DEF6: variants seen among roughly 807,000 people sequenced by gnomAD.
DEF6 encodes the protein differentially expressed in FDCP 6 homolog.
In DEF6, 32 loss-of-function variants were observed where a neutral mutation model predicts 80.5. The observed-to-expected ratio is 0.40, with a 90% CI of 0.30 to 0.53. DEF6 has a LOEUF of 0.53. Ranked by LOEUF, DEF6 falls within the 20% of genes least tolerant of loss-of-function variation. The pLI, the probability that DEF6 is intolerant of heterozygous loss-of-function variation, is 0.57. For synonymous variants in DEF6, 300 were observed against 337.9 expected, an observed-to-expected ratio of 0.89 and a Z score of 1.23; for missense variants, 575 against 818.7, an observed-to-expected ratio of 0.70 and a Z score of 3.63.
chr6:35,312,565 G>A lies in DEF6; in HGVS notation c.660+27G>A. On this transcript the variant is annotated intron_variant, in intron 4 of 10. Coordinates refer to ENST00000316637, the MANE Select transcript of DEF6 (RefSeq NM_022047.4). The surrounding 1 kb of genome is among the most constrained non-coding windows in gnomAD (Gnocchi z 6.6). ...TCAGGCAAGCTGGGAACTAGGGGAA[G>A]CACACAAGGTGCAGGGCGAAGGGGG... 6.2e-7 allele frequency: 1 copy of A among 1,614,018 alleles called. No individual in the cohort carries two copies. Among genetic ancestry groups the A allele is most frequent in the Non-Finnish European group, 8.5e-7 (1 of 1,179,894 alleles).
intron 1 of DEF6, among the ~76,000 whole-genome samples, chr6:35,305,079 G>A (rs1562146946): frequency 1.4e-5 from 2 of 145,466 alleles, no homozygotes; most frequent in African/African-American, 5.0e-5. Context: ...TAAAGCATTG[G>A]GATTACAGGT....
At position 35,318,207 on chromosome 6, in the gene DEF6, G is replaced by A. The variant is rs760142938; in HGVS notation, c.951G>A (p.Gly317=). Residue 317 remains glycine, a synonymous_variant, in exon 7 of 11, where the codon GGG becomes GGA. Coordinates refer to ENST00000316637, the MANE Select transcript of DEF6 (RefSeq NM_022047.4). This position sits in a 1 kb window ranked among gnomAD's most constrained non-coding sequence, Gnocchi z 5.1. The part of the protein sequence containing the change: ...IQMAIRLQAE[G]KTSLHKDLKQ... The stretch of plus-strand genomic sequence containing the variant: ...TGGCGATCCGGCTGCAGGCCGAGGG[G>A]AAGACGTCCCTACACAAGGACCTGA... 3 of 1,588,486 alleles carry A rather than the reference G, an allele frequency of 1.9e-6. No homozygotes were observed. The highest frequency in any genetic ancestry group is 2.3e-5 in the East Asian group (1 of 44,190).
At chr6:35,311,365 T>TA (rs2150387136) in intron 3 of DEF6, among the ~76,000 whole-genome samples, 1 of 152,182 alleles carries the variant, frequency 6.6e-6, no homozygotes, top group Non-Finnish European at 1.5e-5. Flanking sequence ...CTTCTGTACT[T>TA]ACAAGAAGCC....
Position 35,319,465 on chromosome 6 carries a change from T to A in DEF6, c.1216-59T>A. On this transcript the variant is annotated intron_variant, in intron 7 of 10. Coordinates refer to ENST00000316637, the MANE Select transcript of DEF6 (RefSeq NM_022047.4). This position sits in a 1 kb window ranked among gnomAD's most constrained non-coding sequence, Gnocchi z 4.5. ...TAGCAACATGCCCACCCCCTCCTCC[T>A]CCGCCCCCACGTGCCCCTTTTGACC... 215 of 870,070 alleles carry A rather than the reference T, an allele frequency of 2.5e-4. No homozygotes were observed. The highest frequency in any genetic ancestry group is 5.5e-4 in the East Asian group (16 of 29,346). The allele number at this position is 870,070 out of a possible 1,614,324, so 53.9% of individuals were successfully genotyped here. A position where few individuals can be genotyped will look rare whatever the true frequency, so the allele number is the denominator to read the frequency against.
rs114535982 is a variant in DEF6 at position 35,312,185 on chromosome 6, C to T, written c.424-117C>T. The T allele has an allele frequency of 2.4e-5, 20 of 830,552 alleles. No homozygotes were observed. The highest frequency in any genetic ancestry group is 6.9e-5 in the South Asian group (4 of 58,384). 51.4% of individuals were successfully genotyped at this position (830,552 alleles called of 1,614,324 possible). ...ACATTCGGTCCTCTGGCCCCCTCAA[C>T]GCTCTGTCCCCTGTTTCCCTCTGCC... On this transcript the variant is annotated intron_variant, in intron 3 of 10. Coordinates refer to ENST00000316637, the MANE Select transcript of DEF6 (RefSeq NM_022047.4). This position sits in a 1 kb window ranked among gnomAD's most constrained non-coding sequence, Gnocchi z 6.6.
At position 35,321,488 on chromosome 6, in the gene DEF6, T is replaced by C. The variant is rs1791592914; in HGVS notation, c.*78T>C. The C allele has an allele frequency of 1.4e-6, 2 of 1,381,118 alleles. No individual in the cohort carries two copies. The highest frequency in any genetic ancestry group is 1.3e-5 in the South Asian group (1 of 76,770). 85.6% of individuals were successfully genotyped at this position (1,381,118 alleles called of 1,614,324 possible). A position where few individuals can be genotyped will look rare whatever the true frequency, so the allele number is the denominator to read the frequency against. The stretch of plus-strand genomic sequence containing the variant: ...CAGCTGGCCTGTGGGTGATCCCAGC[T>C]CTTACTAGGAGAGGGAGCTGAGGTC... On this transcript the variant is annotated 3_prime_UTR_variant, in exon 11 of 11. Transcript: ENST00000316637.
At chr6:35,308,906 A>C (rs1791427882) in intron 1 of DEF6, among the ~76,000 whole-genome samples, 1 of 152,082 alleles carries the variant, frequency 6.6e-6, no homozygotes. Context: ...TATTTTCACC[A>C]GATTTCAGAT....
intron 1 of DEF6, among the ~76,000 whole-genome samples, chr6:35,303,384 C>G (rs1187955045): frequency 6.6e-6 from 1 of 152,106 alleles, no homozygotes; most frequent in Non-Finnish European, 1.5e-5. Flanking sequence ...AACTGAAGCC[C>G]AGTAAGGTTA....
chr6:35,320,088 G>C, intron 9 of DEF6, 71 bp downstream of exon 9: 2 of 1,470,938 alleles, frequency 1.4e-6, no homozygotes, highest in South Asian at 1.3e-5. Context: ...CTGGAGCCAG[G>C]CTGCCTTCCC....
Position 35,321,267 on chromosome 6 carries a change from C to T in DEF6, c.1753C>T (p.Leu585=), listed in dbSNP as rs1350098303. Residue 585 remains leucine, a synonymous_variant, in exon 11 of 11, where the codon CTG becomes TTG. Transcript: ENST00000316637. Reference sequence around the variant, plus strand: ...CCACCGTGACTCCTCCCTAAAGCGCCTGACCCGCTGGGGATCCCAGGGCAA... The same window carrying T: ...CCACCGTGACTCCTCCCTAAAGCGCTTGACCCGCTGGGGATCCCAGGGCAA... ...LAHRDSSLKR[L]TRWGSQGNRT... 6.2e-7 allele frequency: 1 copy of T among 1,613,976 alleles called. No individual in the cohort carries two copies. Among genetic ancestry groups the T allele is most frequent in the East Asian group, 2.2e-5 (1 of 44,884 alleles).
At chr6:35,300,169 A>G (rs1343675432) in intron 1 of DEF6, among the ~76,000 whole-genome samples, 4 of 152,122 alleles carry the variant, frequency 2.6e-5, no homozygotes, top group Non-Finnish European at 5.9e-5. Context: ...CTACAGGCAC[A>G]TGCCACCACG....
At chr6:35,315,274 C>T (rs1791511871) in intron 5 of DEF6, among the ~76,000 whole-genome samples, 1 of 152,284 alleles carries the variant, frequency 6.6e-6, no homozygotes, top group East Asian at 1.9e-4. Context: ...ACTGCAGCCT[C>T]AGTCTCCTTG....
intron 5 of DEF6, chr6:35,313,397 A>C (rs910109274): frequency 2.7e-6 from 1 of 369,118 alleles, no homozygotes; most frequent in African/African-American, 2.2e-5. Flanking sequence ...TAATACATTC[A>C]TATATTTTAT....
At chr6:35,301,471 A>G (rs1001698821) in intron 1 of DEF6, among the ~76,000 whole-genome samples, 1 of 152,168 alleles carries the variant, frequency 6.6e-6, no homozygotes, top group Admixed American at 6.5e-5. Flanking sequence ...GCTGTCCTAC[A>G]AAACTAAAGA....
chr6:35,301,474 A>G (rs1341537941), intron 1 of DEF6, among the ~76,000 whole-genome samples: 1 of 152,130 alleles, frequency 6.6e-6, no homozygotes, highest in African/African-American at 2.4e-5. Flanking sequence ...GTCCTACAAA[A>G]CTAAAGAATA....
chr6:35,319,454 C>A lies in DEF6; in HGVS notation c.1216-70C>A, dbSNP rs1791561409. ...CCTAGGCAGCTTAGCAACATGCCCA[C>A]CCCCTCCTCCTCCGCCCCCACGTGC... On this transcript the variant is annotated intron_variant, in intron 7 of 10. Coordinates refer to ENST00000316637, the MANE Select transcript of DEF6 (RefSeq NM_022047.4). The surrounding 1 kb of genome is among the most constrained non-coding windows in gnomAD (Gnocchi z 4.5). The A allele has an allele frequency of 3.4e-6, 4 of 1,173,864 alleles. No homozygotes were observed. Among genetic ancestry groups the A allele is most frequent in the African/African-American group, 1.5e-5 (1 of 64,946 alleles). The allele number at this position is 1,173,864 out of a possible 1,614,324, so 72.7% of individuals were successfully genotyped here. A position where few individuals can be genotyped will look rare whatever the true frequency, so the allele number is the denominator to read the frequency against.
At chr6:35,301,610 C>T (rs1416263827) in intron 1 of DEF6, among the ~76,000 whole-genome samples, 5 of 152,242 alleles carry the variant, frequency 3.3e-5, no homozygotes, top group Middle Eastern at 3.4e-3. Flanking sequence ...CAGCAGGTGA[C>T]ACAGCTAATC....
intron 1 of DEF6, among the ~76,000 whole-genome samples, chr6:35,308,188 T>C (rs1056726334): frequency 1.3e-5 from 2 of 152,180 alleles, no homozygotes; most frequent in Non-Finnish European, 2.9e-5. Flanking sequence ...AAAACAGGCT[T>C]AATAATATTT....
rs1302686157 is a variant in DEF6, at chr6:35,301,716, AG to A, written c.96+3766del. On this transcript the variant is annotated intron_variant, in intron 1 of 10. Transcript: ENST00000316637. ...TAGAATACATTTGGTAACTCTTAAA[AG>A]GAGCTGTGTCTTTTTTTTTTTTTTT... Among the ~76,000 whole-genome samples, 4 of 138,766 alleles carry A rather than the reference AG, an allele frequency of 2.9e-5. No homozygotes were observed. The East Asian group carries it at 8.8e-4, about 31-fold the overall frequency. The allele number at this position is 138,766 out of a possible 152,430, so 91.0% of individuals were successfully genotyped here.
Sources: allele counts gnomAD v4.1 joint callset (sites outside exome capture counted in the v4.1 genomes callset), GRCh38; gene constraint gnomAD v4.1.1; non-coding constraint Gnocchi (gnomAD v3.1); transcripts MANE v1.5; gene names NCBI Gene and HGNC (gene_info 2026-07-23, HGNC 2026-07-21).